DNER: variants seen among roughly 807,000 people sequenced by gnomAD.
DNER encodes the protein delta/notch like EGF repeat containing.
A neutral mutation model predicts 78.2 loss-of-function variants in DNER; 33 were observed. The observed-to-expected ratio is 0.42, with a 90% CI of 0.32 to 0.56. The LOEUF is 0.56. Ranked by LOEUF, DNER falls within the 20% of genes least tolerant of loss-of-function variation. The pLI is 0.11. For synonymous variants in DNER, 417 were observed against 384.8 expected (o/e 1.08, Z -0.98); for missense variants, 918 against 975.3 (o/e 0.94, Z 0.78).
At chr2:229,689,593 T>A (rs777636379) in intron 1 of DNER, among the ~76,000 whole-genome samples, 1 of 152,056 alleles carries the variant, frequency 6.6e-6, no homozygotes, top group Admixed American at 6.6e-5. Context: ...AGTGTGAAAA[T>A]CCCTTGGCAC....
At chr2:229,713,978 G>A (rs1181369681) in intron 1 of DNER, among the ~76,000 whole-genome samples, 170 bp downstream of exon 1, 1 of 152,146 alleles carries the variant, frequency 6.6e-6, no homozygotes, top group African/African-American at 2.4e-5. Context: ...AATCAGGGTC[G>A]GCCCGGGGGT....
At chr2:229,590,249 G>T (rs1697577872) in intron 2 of DNER, among the ~76,000 whole-genome samples, 1 of 152,124 alleles carries the variant, frequency 6.6e-6, no homozygotes, top group Non-Finnish European at 1.5e-5. Context: ...CTACTGAAAA[G>T]ACTTTTGAAG....
chr2:229,591,299 G>A lies in DNER; in HGVS notation c.585+281C>T, dbSNP rs1361067032. Among the ~76,000 whole-genome samples the A allele has an allele frequency of 6.6e-6, 1 of 152,176 alleles. No individual in the cohort carries two copies. Among genetic ancestry groups the A allele is most frequent in the Non-Finnish European group, 1.5e-5 (1 of 68,030 alleles). ...GGTCCTATGACATGTTCCTTTACAT[G>A]ACTACACTGAGCTGTCTTCCCCAAA... On this transcript the variant is annotated intron_variant, in intron 2 of 12. Transcript: ENST00000341772. This position sits in a 1 kb window ranked among gnomAD's most constrained non-coding sequence, Gnocchi z 4.6.
intron 11 of DNER, among the ~76,000 whole-genome samples, chr2:229,385,709 A>C (rs1692849571): frequency 6.6e-6 from 1 of 152,182 alleles, no homozygotes; most frequent in Admixed American, 6.5e-5. Context: ...TCATGAGTGA[A>C]CTCTCATTCA....
Position 229,367,037 on chromosome 2 carries a change from G to C in DNER, c.1938C>G (p.Leu646=). The stretch of plus-strand genomic sequence containing the variant: ...TCAGCATAAGGATGAAGGCCACGCA[G>C]AGGGCTCCAATGATGATGTAGAGGG... ...RHSLYIIIGA[L]CVAFILMLII... is the part of the protein sequence containing the mutation. Residue 646 remains leucine, a synonymous_variant, in exon 12 of 13, where the codon CTC becomes CTG. Transcript: ENST00000341772. 1 of 1,614,116 alleles carries C rather than the reference G, an allele frequency of 6.2e-7. No homozygotes were observed. The highest frequency in any genetic ancestry group is 8.5e-7 in the Non-Finnish European group (1 of 1,180,000).
intron 2 of DNER, among the ~76,000 whole-genome samples, chr2:229,590,293 A>G (rs1697578595): frequency 6.6e-6 from 1 of 152,234 alleles, no homozygotes; most frequent in African/African-American, 2.4e-5. Flanking sequence ...CTCAAACTTG[A>G]TAGGAGAAGT....
intron 8 of DNER, among the ~76,000 whole-genome samples, chr2:229,443,275 A>G (rs1694274055): frequency 1.3e-5 from 2 of 152,032 alleles, no homozygotes; most frequent in Admixed American, 1.3e-4. Context: ...TCCTTCCAAT[A>G]CCGGTCATGT....
At chr2:229,375,955 T>C (rs1692589379) in intron 11 of DNER, among the ~76,000 whole-genome samples, 1 of 152,138 alleles carries the variant, frequency 6.6e-6, no homozygotes, top group African/African-American at 2.4e-5. Context: ...CTCATGAAAG[T>C]GAGTTCTCAC....
At chr2:229,387,040 A>G (rs1246124900) in intron 11 of DNER, among the ~76,000 whole-genome samples, 1 of 152,206 alleles carries the variant, frequency 6.6e-6, no homozygotes, top group Non-Finnish European at 1.5e-5. Context: ...TGTTTATTGC[A>G]GCATTGTTCA....
intron 5 of DNER, among the ~76,000 whole-genome samples, chr2:229,531,683 C>A (rs927440773): frequency 6.6e-6 from 1 of 152,172 alleles, no homozygotes; most frequent in African/African-American, 2.4e-5. Flanking sequence ...GAACTGAAAA[C>A]AAGGACTTAA....
At position 229,678,365 on chromosome 2, in the gene DNER, C is replaced by T. The variant is rs184397509; in HGVS notation, c.276+35783G>A. On this transcript the variant is annotated intron_variant, in intron 1 of 12. Coordinates refer to ENST00000341772, the MANE Select transcript of DNER (RefSeq NM_139072.4). ...TACATGCCAGGGTTGCCAGAGAACC[C>T]ATGCATCATGAATTCTTCAGGAAGG... Among the ~76,000 whole-genome samples the T allele has an allele frequency of 1.3e-3, 205 of 152,312 alleles. 1 individual carries two copies. Among genetic ancestry groups the T allele is most frequent in the African/African-American group, 4.9e-3 (202 of 41,584 alleles).
chr2:229,685,490 C>T (rs1699469581), intron 1 of DNER, among the ~76,000 whole-genome samples: 1 of 146,188 alleles, frequency 6.8e-6, no homozygotes, highest in Non-Finnish European at 1.5e-5. Context: ...ATTTAAATTA[C>T]GAAAGGTAAA....
chr2:229,416,964 A>T (rs1693668317), intron 9 of DNER, among the ~76,000 whole-genome samples: 1 of 152,186 alleles, frequency 6.6e-6, no homozygotes. Flanking sequence ...GAGGTTGAAG[A>T]TATGTAGAGA....
chr2:229,438,036 A>G (rs947219988), intron 8 of DNER, among the ~76,000 whole-genome samples: 18 of 152,238 alleles, frequency 1.2e-4, no homozygotes, highest in Admixed American at 3.3e-4. Flanking sequence ...AATTAGGTGC[A>G]TCCGGCAGGC....
At chr2:229,513,360 C>T (rs1695910656) in intron 5 of DNER, among the ~76,000 whole-genome samples, 1 of 152,202 alleles carries the variant, frequency 6.6e-6, no homozygotes, top group Non-Finnish European at 1.5e-5. Flanking sequence ...ATCAAATGTC[C>T]AACCCAGACC....
chr2:229,568,195 G>T (rs1349081250), intron 4 of DNER, among the ~76,000 whole-genome samples: 1 of 152,122 alleles, frequency 6.6e-6, no homozygotes, highest in African/African-American at 2.4e-5. Flanking sequence ...GAGGCCCCCT[G>T]CTTTCATTTT....
chr2:229,402,277 T>C (rs1693283892), intron 10 of DNER, among the ~76,000 whole-genome samples: 1 of 152,158 alleles, frequency 6.6e-6, no homozygotes, highest in South Asian at 2.1e-4. Flanking sequence ...TGTAAAGAAT[T>C]CTTTGAAATC....
At chr2:229,479,089 G>T (rs1695098728) in intron 6 of DNER, among the ~76,000 whole-genome samples, 1 of 152,152 alleles carries the variant, frequency 6.6e-6, no homozygotes, top group South Asian at 2.1e-4. Context: ...TCCTGTGTTA[G>T]TTTGCTGAGG....
At chr2:229,528,584 G>A (rs562846529) in intron 5 of DNER, among the ~76,000 whole-genome samples, 11 of 152,218 alleles carry the variant, frequency 7.2e-5, no homozygotes, top group African/African-American at 1.7e-4. Flanking sequence ...ATCTCTACCC[G>A]CAAGTCTGCT....
Sources: allele counts gnomAD v4.1 joint callset (sites outside exome capture counted in the v4.1 genomes callset), GRCh38; gene constraint gnomAD v4.1.1; non-coding constraint Gnocchi (gnomAD v3.1); transcripts MANE v1.5; gene names NCBI Gene and HGNC (gene_info 2026-07-23, HGNC 2026-07-21).